NKAIN3: variants seen among roughly 807,000 people sequenced by gnomAD.
NKAIN3 encodes sodium/potassium-transporting ATPase subunit beta-1-interacting protein 3.
In NKAIN3, 25 loss-of-function variants were observed where a neutral mutation model predicts 30.2. That is an observed-to-expected ratio of 0.83 (90% CI 0.60 to 1.16). The LOEUF (loss-of-function observed/expected upper bound fraction) is 1.16. Ranked by LOEUF, NKAIN3 falls within the 50% of genes most tolerant of loss-of-function variation. The pLI, the probability that NKAIN3 is intolerant of heterozygous loss-of-function variation, is 0.00. For missense variants in NKAIN3, 225 were observed against 254.1 expected, an observed-to-expected ratio of 0.89 and a Z score of 0.78; for synonymous variants, 91 against 89.6, an observed-to-expected ratio of 1.02 and a Z score of -0.09.
intron 4 of NKAIN3, among the ~76,000 whole-genome samples, chr8:62,884,336 A>AC (rs1821079484): frequency 6.6e-6 from 1 of 151,388 alleles, no homozygotes; most frequent in African/African-American, 2.4e-5. Context: ...TCGGCTCACC[A>AC]CAACCTCTGT....
At chr8:62,875,688 G>A (rs1234605768) in intron 4 of NKAIN3, among the ~76,000 whole-genome samples, 5 of 152,086 alleles carry the variant, frequency 3.3e-5, no homozygotes, top group Non-Finnish European at 7.3e-5. Flanking sequence ...ACAACCATCT[G>A]ATCTTCGACA....
At chr8:62,671,487 T>C (rs1813301730) in intron 3 of NKAIN3, among the ~76,000 whole-genome samples, 1 of 152,222 alleles carries the variant, frequency 6.6e-6, no homozygotes, top group Non-Finnish European at 1.5e-5. Flanking sequence ...TATGATATTT[T>C]TCTGGGTAAT....
At chr8:62,412,176 AG>A (rs1397612213) in intron 1 of NKAIN3, among the ~76,000 whole-genome samples, 2 of 152,338 alleles carry the variant, frequency 1.3e-5, no homozygotes, top group African/African-American at 4.8e-5. Context: ...TATACTATAA[AG>A]ATATAGTAAT....
intron 1 of NKAIN3, among the ~76,000 whole-genome samples, chr8:62,415,247 T>C (rs1299315831): frequency 7.0e-6 from 1 of 143,294 alleles, no homozygotes; most frequent in Non-Finnish European, 1.5e-5. Flanking sequence ...GTATATTATA[T>C]ATAATAAATA....
At chr8:62,582,829 A>G in intron 2 of NKAIN3, among the ~76,000 whole-genome samples, 1 of 108,598 alleles carries the variant, frequency 9.2e-6, no homozygotes, top group East Asian at 2.4e-4. Context: ...GTGAAGAGGA[A>G]TGAGATCATC....
intron 4 of NKAIN3, among the ~76,000 whole-genome samples, chr8:62,891,764 T>C (rs1352795772): frequency 6.6e-6 from 1 of 152,188 alleles, no homozygotes; most frequent in East Asian, 1.9e-4. Flanking sequence ...CCACAAGATA[T>C]AGTTTCAGCC....
intron 1 of NKAIN3, among the ~76,000 whole-genome samples, chr8:62,546,939 A>G (rs905463665): frequency 3.3e-5 from 5 of 152,134 alleles, no homozygotes; most frequent in Admixed American, 1.3e-4. Context: ...TGAATATTCT[A>G]TTATCTCATG....
chr8:62,862,387 A>T (rs1333638301), intron 4 of NKAIN3, among the ~76,000 whole-genome samples: 1 of 152,152 alleles, frequency 6.6e-6, no homozygotes, highest in East Asian at 1.9e-4. Context: ...TTTGTAGGTA[A>T]AACAAAGTGA....
At chr8:62,707,608 G>C (rs1295830716) in intron 3 of NKAIN3, among the ~76,000 whole-genome samples, 2 of 152,046 alleles carry the variant, frequency 1.3e-5, no homozygotes, top group Non-Finnish European at 2.9e-5. Flanking sequence ...TGAGTTCATT[G>C]TAGATTCTGG....
chr8:62,713,832 T>G (rs1242124752), intron 3 of NKAIN3, among the ~76,000 whole-genome samples: 2 of 152,204 alleles, frequency 1.3e-5, no homozygotes, highest in Non-Finnish European at 2.9e-5. Context: ...TAAATTTCAT[T>G]AGGTTTCTGA....
chr8:62,397,857 G>A (rs980333713), intron 1 of NKAIN3, among the ~76,000 whole-genome samples: 4 of 152,088 alleles, frequency 2.6e-5, no homozygotes, highest in African/African-American at 9.7e-5. Flanking sequence ...TTTGGATGTG[G>A]GAAACACAGA....
At position 62,969,130 on chromosome 8, in the gene NKAIN3, A is replaced by G. The variant is rs1394513064; in HGVS notation, c.*3723A>G. Among the ~76,000 whole-genome samples the G allele has an allele frequency of 6.6e-6, 1 of 152,172 alleles. No homozygotes were observed. Among genetic ancestry groups the G allele is most frequent in the Non-Finnish European group, 1.5e-5 (1 of 68,032 alleles). ...TGGTTGGCTCATTTGTTTTGAAGAT[A>G]CTCGACACTTTGCCCTAGCAAAATA... On this transcript the variant is annotated 3_prime_UTR_variant, in exon 7 of 7. Transcript: ENST00000623646.
At chr8:62,750,604 C>A (rs1385624265) in intron 4 of NKAIN3, among the ~76,000 whole-genome samples, 2 of 152,134 alleles carry the variant, frequency 1.3e-5, no homozygotes, top group Non-Finnish European at 2.9e-5. Context: ...CGGGGGGTGC[C>A]ACGTGCATCC....
chr8:62,916,915 C>A (rs1822123063), intron 4 of NKAIN3, among the ~76,000 whole-genome samples: 1 of 151,936 alleles, frequency 6.6e-6, no homozygotes, highest in Non-Finnish European at 1.5e-5. Flanking sequence ...TTGTGGGGTG[C>A]TTTTAGGGGT....
chr8:62,447,696 C>G (rs1407239553), intron 1 of NKAIN3, among the ~76,000 whole-genome samples: 1 of 152,004 alleles, frequency 6.6e-6, no homozygotes, highest in Non-Finnish European at 1.5e-5. Context: ...CTTCATTCAT[C>G]AGAAGCAGAA....
At chr8:62,595,385 T>TTTTC (rs1810794433) in intron 3 of NKAIN3, among the ~76,000 whole-genome samples, 1 of 116,058 alleles carries the variant, frequency 8.6e-6, no homozygotes, top group African/African-American at 2.7e-5. Context: ...CTATTTTCTT[T>TTTTC]TTTTTTTTTT....
At chr8:62,740,878 A>T (rs1815842627) in intron 3 of NKAIN3, among the ~76,000 whole-genome samples, 1 of 152,156 alleles carries the variant, frequency 6.6e-6, no homozygotes, top group South Asian at 2.1e-4. Context: ...AAAGGTAGAT[A>T]CCATGGAATA....
At chr8:62,863,266 T>C (rs1173011485) in intron 4 of NKAIN3, 1 of 1,560,492 alleles carries the variant, frequency 6.4e-7, no homozygotes, top group Admixed American at 1.8e-5. Flanking sequence ...TTTAGATATT[T>C]TTCCTATAGG....
intron 3 of NKAIN3, among the ~76,000 whole-genome samples, chr8:62,712,292 A>T (rs1189782569): frequency 6.6e-6 from 1 of 152,174 alleles, no homozygotes; most frequent in Admixed American, 6.5e-5. Context: ...GCAGGGCCCT[A>T]GAACTCCCAA....
Sources: allele counts gnomAD v4.1 joint callset (sites outside exome capture counted in the v4.1 genomes callset), GRCh38; gene constraint gnomAD v4.1.1; transcripts MANE v1.5; gene names NCBI Gene and HGNC (gene_info 2026-07-23, HGNC 2026-07-21).